SOS2: variants seen among roughly 807,000 people sequenced by gnomAD.
The protein encoded by SOS2 is son of sevenless homolog 2.
SOS2 carries 65 observed loss-of-function variants against 148.2 expected under a neutral mutation model. The ratio of observed to expected loss-of-function variants is 0.44; its 90% CI spans 0.36 to 0.54. SOS2 has a LOEUF of 0.54. Among genes scored for constraint, SOS2 ranks in the 20% least tolerant of loss-of-function variants. The pLI, the probability that SOS2 is intolerant of heterozygous loss-of-function variation, is 0.00. For missense variants in SOS2, 1,341 were observed against 1,590.2 expected (o/e 0.84, Z 2.67); for synonymous variants, 539 against 537.1 (o/e 1.00, Z -0.05).
At chr14:50,135,009 GT>G (rs1262471560) in intron 18 of SOS2, among the ~76,000 whole-genome samples, 2 of 144,092 alleles carry the variant, frequency 1.4e-5, no homozygotes, top group Non-Finnish European at 3.0e-5. Context: ...GCAGGCGGAG[GT>G]TGAGGTGAAC....
intron 19 of SOS2, among the ~76,000 whole-genome samples, chr14:50,132,985 TA>T (rs951755540): frequency 3.7e-4 from 53 of 144,618 alleles, no homozygotes; most frequent in Non-Finnish European, 4.6e-4. Context: ...TTCCTAATTA[TA>T]AAAAAAAAAA....
intron 12 of SOS2, among the ~76,000 whole-genome samples, chr14:50,153,786 T>C (rs1489384646): frequency 6.6e-6 from 1 of 152,206 alleles, no homozygotes; most frequent in Non-Finnish European, 1.5e-5. Flanking sequence ...CTAATTTTTG[T>C]ACTTTTAGTA....
rs192692516 is a variant in SOS2 at position 50,187,242 on chromosome 14, C to T, written c.714+1255G>A. Among the ~76,000 whole-genome samples, 3 of 152,134 alleles carry T rather than the reference C, an allele frequency of 2.0e-5. No individual in the cohort carries two copies. The East Asian group carries it at 5.8e-4, about 29-fold the overall frequency. Reference sequence around the variant, plus strand: ...ACCCAGGCTGGTCTCAAATTCTTGGCCTCAAGCAATCCTCCTGTCTCAGGT... The same window carrying T: ...ACCCAGGCTGGTCTCAAATTCTTGGTCTCAAGCAATCCTCCTGTCTCAGGT... On this transcript the variant is annotated intron_variant, in intron 5 of 22. Transcript: ENST00000216373.
At chr14:50,189,082 C>T (rs868551972) in intron 4 of SOS2, among the ~76,000 whole-genome samples, 3,058 of 150,050 alleles carry the variant, frequency 0.02, 70 homozygotes, top group Non-Finnish European at 0.026. Context: ...CACACACACA[C>T]ACACACACAC....
chr14:50,212,350 T>G (rs780306073), intron 1 of SOS2, among the ~76,000 whole-genome samples: 1 of 152,198 alleles, frequency 6.6e-6, no homozygotes, highest in Non-Finnish European at 1.5e-5. Context: ...GGTGCACACC[T>G]GTAGTCCCAG....
intron 5 of SOS2, among the ~76,000 whole-genome samples, chr14:50,186,882 T>C (rs1211528592): frequency 6.6e-6 from 1 of 152,232 alleles, no homozygotes; most frequent in Non-Finnish European, 1.5e-5. Context: ...TTTTGGAATA[T>C]AATGAGAAAA....
intron 7 of SOS2, among the ~76,000 whole-genome samples, chr14:50,174,923 C>T (rs990359376): frequency 1.3e-5 from 2 of 152,168 alleles, no homozygotes; most frequent in African/African-American, 4.8e-5. Flanking sequence ...TCAGGGAATG[C>T]TGTATACTGT....
At chr14:50,218,234 A>C (rs1887094467) in intron 1 of SOS2, among the ~76,000 whole-genome samples, 1 of 149,968 alleles carries the variant, frequency 6.7e-6, no homozygotes, top group Admixed American at 6.6e-5. Flanking sequence ...AAAAAAAAAA[A>C]AAAAAAGGCC....
At chr14:50,211,131 G>A (rs1269129941) in intron 1 of SOS2, among the ~76,000 whole-genome samples, 1 of 152,078 alleles carries the variant, frequency 6.6e-6, no homozygotes, top group Non-Finnish European at 1.5e-5. Flanking sequence ...CTGAACACCT[G>A]AAATGTAGCT....
intron 1 of SOS2, among the ~76,000 whole-genome samples, chr14:50,209,274 C>CGCGTGTGTGT (rs1415473469): frequency 8.5e-6 from 1 of 118,276 alleles, no homozygotes; most frequent in Non-Finnish European, 1.9e-5. Context: ...CCTTAAATGT[C>CGCGTGTGTGT]GTGTGTGTGT....
At chr14:50,184,074 G>A (rs1402031040) in intron 5 of SOS2, among the ~76,000 whole-genome samples, 1 of 152,184 alleles carries the variant, frequency 6.6e-6, no homozygotes, top group East Asian at 1.9e-4. Context: ...TATCTATATA[G>A]AGAAAAGGTA....
At chr14:50,205,376 T>A (rs1273217530) in intron 1 of SOS2, among the ~76,000 whole-genome samples, 1 of 152,022 alleles carries the variant, frequency 6.6e-6, no homozygotes, top group Admixed American at 6.6e-5. Flanking sequence ...TGCCATGAAG[T>A]CAGAAGGATA....
Position 50,180,685 on chromosome 14 carries a change from ATT to A in SOS2, c.859-5_859-4del. The A allele has an allele frequency of 1.3e-6, 2 of 1,514,588 alleles. No homozygotes were observed. 93.8% of individuals were successfully genotyped at this position (1,514,588 alleles called of 1,614,324 possible). On this transcript the variant is annotated splice_region_variant and splice_polypyrimidine_tract_variant and intron_variant, in intron 6 of 22. Coordinates refer to ENST00000216373, the MANE Select transcript of SOS2 (RefSeq NM_006939.4). ...TCATAAGGATCAAATGCTTGCTCCT[ATT>A]TTTTTAAAAAGAGAAAAAGCATTAG... is the stretch of plus-strand genomic sequence containing the variant.
chr14:50,174,190 A>G (rs917542186), intron 8 of SOS2, among the ~76,000 whole-genome samples: 3 of 26,254 alleles, frequency 1.1e-4, no homozygotes, highest in African/African-American at 2.4e-4. Flanking sequence ...TTTTTAAGTT[A>G]TATATATATT....
intron 21 of SOS2, among the ~76,000 whole-genome samples, chr14:50,121,291 C>G (rs1883498622): frequency 6.6e-6 from 1 of 152,146 alleles, no homozygotes; most frequent in Admixed American, 6.6e-5. Context: ...TTCTATAGTT[C>G]AACTTCCCAT....
intron 16 of SOS2, among the ~76,000 whole-genome samples, chr14:50,143,847 T>C (rs1210821091): frequency 5.5e-5 from 8 of 145,500 alleles, no homozygotes; most frequent in Admixed American, 3.5e-4. Context: ...TTTGTAGAGA[T>C]GTGGTCTCCC....
At position 50,180,587 on chromosome 14, in the gene SOS2, A is replaced by G; in HGVS notation, c.954T>C (p.Val318=). 1 of 1,501,162 alleles carries G rather than the reference A, an allele frequency of 6.7e-7. No individual in the cohort carries two copies. The highest frequency in any genetic ancestry group is 9.1e-7 in the Non-Finnish European group (1 of 1,098,514). The allele number at this position is 1,501,162 out of a possible 1,614,324, so 93.0% of individuals were successfully genotyped here. ...HFNKLMARPA[V]ALHFQSIADG... is the part of the protein sequence containing the mutation. ...TTAAGTTTACCTGAAAGTGTAGAGC[A>G]ACTGCAGGTCTGGCCATCAATTTAT... Residue 318 remains valine, a synonymous_variant, in exon 7 of 23, where the codon GTT becomes GTC. Transcript: ENST00000216373.
intron 1 of SOS2, among the ~76,000 whole-genome samples, chr14:50,209,237 G>C (rs1001084830): frequency 3.5e-5 from 5 of 144,058 alleles, no homozygotes; most frequent in African/African-American, 1.0e-4. Context: ...TGGACTTCTG[G>C]GCCACCATAA....
At chr14:50,204,669 T>C (rs537569498) in intron 1 of SOS2, among the ~76,000 whole-genome samples, 2 of 152,246 alleles carry the variant, frequency 1.3e-5, no homozygotes, top group Non-Finnish European at 2.9e-5. Context: ...AAAAAGCATA[T>C]ACACATAAAC....
Sources: gnomAD v4.1 joint callset for allele counts (sites outside exome capture counted in the v4.1 genomes callset) on GRCh38, gnomAD v4.1.1 for gene constraint, MANE v1.5 for transcripts, NCBI Gene and HGNC (gene_info 2026-07-23, HGNC 2026-07-21) for gene names.